PHEX: variants seen among roughly 807,000 people sequenced by gnomAD.
PHEX encodes the protein phosphate-regulating neutral endopeptidase PHEX.
A neutral mutation model predicts 68.0 loss-of-function variants in PHEX; 16 were observed. The ratio of observed to expected loss-of-function variants is 0.24; its 90% CI spans 0.16 to 0.36. PHEX has a LOEUF of 0.36. Ranked by LOEUF, PHEX falls within the 10% of genes least tolerant of loss-of-function variation. The probability of loss-of-function intolerance (pLI) is 1.00; values close to 1 mark genes in which losing one functional copy is unlikely to be tolerated. For missense variants in PHEX, 480 were observed against 575.5 expected, an observed-to-expected ratio of 0.83 and a Z score of 1.70; for synonymous variants, 208 against 205.1, an observed-to-expected ratio of 1.01 and a Z score of -0.12.
intron 20 of PHEX, among the ~76,000 whole-genome samples, chrX:22,239,735 A>G (rs1261149064): frequency 1.8e-5 from 2 of 111,327 alleles, no homozygotes; most frequent in East Asian, 5.6e-4. Flanking sequence ...GAAATATGGG[A>G]CTCTGTGAAA....
intron 9 of PHEX, among the ~76,000 whole-genome samples, chrX:22,101,083 G>A (rs184229209): frequency 1.7e-3 from 189 of 111,539 alleles, no homozygotes; most frequent in African/African-American, 5.8e-3. Context: ...AGCTGAGGCA[G>A]GAGAATCGCT....
At chrX:22,239,670 G>GTGAGAAGACAAGATTA (rs1420744128) in intron 20 of PHEX, among the ~76,000 whole-genome samples, 1 of 110,898 alleles carries the variant, frequency 9.0e-6, no homozygotes, top group Non-Finnish European at 1.9e-5. Flanking sequence ...ATGAAATAAA[G>GTGAGAAGACAAGATTA]TGAGAAGACA....
chrX:22,233,670 G>A (rs750449504), intron 20 of PHEX, among the ~76,000 whole-genome samples: 74 of 110,907 alleles, frequency 6.7e-4, no homozygotes, highest in Non-Finnish European at 1.2e-3. Context: ...CAGGTCATTT[G>A]TGTTCTCCTC....
chrX:22,100,685 G>A (rs1307277862), intron 9 of PHEX, among the ~76,000 whole-genome samples: 3 of 111,489 alleles, frequency 2.7e-5, no homozygotes, highest in East Asian at 5.6e-4. Context: ...CATCTCTATC[G>A]TGATGATTTT....
intron 15 of PHEX, 137 bp from the exon 16 acceptor site, chrX:22,212,767 G>T: frequency 1.8e-6 from 1 of 551,058 alleles, no homozygotes; most frequent in South Asian, 2.4e-5. Context: ...GAGACAGCTA[G>T]ATCTCTTAGA....
chrX:22,218,701 A>G (rs2147170695), intron 16 of PHEX, among the ~76,000 whole-genome samples: 1 of 112,285 alleles, frequency 8.9e-6, no homozygotes, highest in East Asian at 2.8e-4. Context: ...GTGTTCATAA[A>G]TATATAGCTA....
intron 6 of PHEX, among the ~76,000 whole-genome samples, chrX:22,092,237 T>A (rs1374454672): frequency 8.9e-6 from 1 of 111,936 alleles, no homozygotes; most frequent in Non-Finnish European, 1.9e-5. Flanking sequence ...AGTTCATAAT[T>A]ACATGTTTAT....
intron 17 of PHEX, among the ~76,000 whole-genome samples, chrX:22,221,077 T>C (rs1324567824): frequency 8.9e-6 from 1 of 112,066 alleles, no homozygotes; most frequent in Admixed American, 9.4e-5. Context: ...TCCACACTAG[T>C]GGCTGTGGAA....
Position 22,089,949 on chromosome X carries a change from G to A in PHEX, c.664-480G>A, listed in dbSNP as rs763219793. Among the ~76,000 whole-genome samples, 35 of 112,063 alleles carry A rather than the reference G, an allele frequency of 3.1e-4. No homozygotes were observed. The South Asian group carries it at 0.012, about 37-fold the overall frequency. Reference sequence around the variant, plus strand: ...ATTTTAGAGATAAGGAGTTGGAAACGTCTGATTAATCAACTCTATACAGAT... The same window carrying A: ...ATTTTAGAGATAAGGAGTTGGAAACATCTGATTAATCAACTCTATACAGAT... On this transcript the variant is annotated intron_variant, in intron 5 of 21. Transcript: ENST00000379374.
At position 22,080,673 on chromosome X, in the gene PHEX, C is replaced by G. The variant is rs1008733569; in HGVS notation, c.663+2971C>G. Among the ~76,000 whole-genome samples, 6 of 110,852 alleles carry G rather than the reference C, an allele frequency of 5.4e-5. No homozygotes were observed. The East Asian group carries it at 1.7e-3, about 31-fold the overall frequency. The stretch of plus-strand genomic sequence containing the variant: ...TTGGATGAACATTTGAAGCCCCCCC[C>G]ACTTATAGGTTTTGTGGAACATAGT... On this transcript the variant is annotated intron_variant, in intron 5 of 21. Transcript: ENST00000379374.
intron 12 of PHEX, among the ~76,000 whole-genome samples, chrX:22,136,053 T>TTCC (rs1491283318): frequency 5.9e-5 from 6 of 102,282 alleles, no homozygotes; most frequent in African/African-American, 2.3e-4. Flanking sequence ...TTTTTTTTTT[T>TTCC]CCCCTCAAAA....
intron 9 of PHEX, among the ~76,000 whole-genome samples, chrX:22,106,388 G>A (rs896979805): frequency 2.7e-5 from 3 of 111,636 alleles, no homozygotes; most frequent in African/African-American, 6.5e-5. Context: ...GGAAGTCCTC[G>A]TAATTCTTTT....
Position 22,216,581 on chromosome X carries a change from A to T in PHEX, c.1701-2455A>T, listed in dbSNP as rs1276869330. The stretch of plus-strand genomic sequence containing the variant: ...GTTGCCCAGGCTGGAGTGCAAAGGC[A>T]TGATCTCAGCTCACTGCAACCTCCG... On this transcript the variant is annotated intron_variant, in intron 16 of 21. Transcript: ENST00000379374. 5.4e-5 allele frequency among the ~76,000 whole-genome samples: 6 copies of T among 110,231 alleles called. No individual in the cohort carries two copies. The Admixed American group carries it at 5.8e-4, about 11-fold the overall frequency.
intron 3 of PHEX, among the ~76,000 whole-genome samples, chrX:22,053,737 C>T (rs748259993): frequency 5.4e-5 from 6 of 111,798 alleles, no homozygotes; most frequent in Admixed American, 9.6e-5. Context: ...ATCTCTATTA[C>T]GGAATAGCTA....
At chrX:22,215,882 A>G (rs180729297) in intron 16 of PHEX, among the ~76,000 whole-genome samples, 1 of 111,382 alleles carries the variant, frequency 9.0e-6, no homozygotes, top group East Asian at 2.8e-4. Flanking sequence ...GAACCTCATA[A>G]CTGTCTGCAT....
At chrX:22,083,273 T>C (rs968431981) in intron 5 of PHEX, among the ~76,000 whole-genome samples, 3 of 112,217 alleles carry the variant, frequency 2.7e-5, no homozygotes, top group African/African-American at 9.7e-5. Flanking sequence ...ACATAGGCCC[T>C]GTACTATATT....
chrX:22,060,883 A>G (rs1229828497), intron 3 of PHEX, among the ~76,000 whole-genome samples: 1 of 111,738 alleles, frequency 8.9e-6, no homozygotes, highest in African/African-American at 3.3e-5. Flanking sequence ...AGTGTATTTT[A>G]CTTTGCAGTT....
chrX:22,246,230 T>C (rs1015558780), intron 21 of PHEX, among the ~76,000 whole-genome samples: 1 of 111,934 alleles, frequency 8.9e-6, no homozygotes, highest in African/African-American at 3.2e-5. Flanking sequence ...ACAGAAATTT[T>C]CTATAGTACC....
intron 19 of PHEX, 139 bp downstream of exon 19, chrX:22,226,647 G>C: frequency 1.8e-6 from 1 of 559,736 alleles, no homozygotes; most frequent in Non-Finnish European, 3.2e-6. Context: ...ATAGAAGTGT[G>C]TCTCCCCATT....
Sources: gnomAD v4.1 joint callset for allele counts (sites outside exome capture counted in the v4.1 genomes callset) on GRCh38, gnomAD v4.1.1 for gene constraint, MANE v1.5 for transcripts, NCBI Gene and HGNC (gene_info 2026-07-23, HGNC 2026-07-21) for gene names.